GRXCR1: variants seen among roughly 807,000 people sequenced by gnomAD.
GRXCR1 encodes glutaredoxin domain-containing cysteine-rich protein 1.
GRXCR1 carries 27 observed loss-of-function variants against 27.3 expected under a neutral mutation model. The observed-to-expected ratio is 0.99, with a 90% CI of 0.73 to 1.37. The LOEUF (loss-of-function observed/expected upper bound fraction) is 1.37. Ranked by LOEUF, GRXCR1 falls within the 40% of genes most tolerant of loss-of-function variation. The pLI is 0.00. For missense variants in GRXCR1, 379 were observed against 354.4 expected (o/e 1.07, Z -0.56); for synonymous variants, 122 against 131.1 (o/e 0.93, Z 0.47).
At chr4:42,922,848 C>A (rs1426702170) in intron 1 of GRXCR1, among the ~76,000 whole-genome samples, 1 of 152,078 alleles carries the variant, frequency 6.6e-6, no homozygotes, top group Non-Finnish European at 1.5e-5. Context: ...ATGGTGCCAG[C>A]AAGATGCCTC....
At chr4:42,945,696 G>T (rs999300955) in intron 1 of GRXCR1, among the ~76,000 whole-genome samples, 1 of 152,108 alleles carries the variant, frequency 6.6e-6, no homozygotes, top group Admixed American at 6.6e-5. Flanking sequence ...TAGATGATGT[G>T]AAGGGCACAG....
In GRXCR1 at chr4:42,893,307, G is replaced by C. The variant is rs751676027; in HGVS notation, c.41G>C (p.Arg14Pro). The C allele has an allele frequency of 1.2e-6, 2 of 1,613,678 alleles. No homozygotes were observed. ...ATGAAGCCAGAAAGTGACAGGCCAC[G>C]GAAAGTCCGGTTTCGGATCGCGTCC... ...REMKPESDRPRKVRFRIASSH... is the reference protein window; with the variant it reads ...REMKPESDRPPKVRFRIASSH... Residue 14 changes from arginine to proline, a missense_variant, in exon 1 of 4, where the codon CGG (arginine) becomes CCG (proline). Physicochemically the swap from Arg to Pro is moderately radical, Grantham distance 103. Transcript: ENST00000399770.
intron 2 of GRXCR1, among the ~76,000 whole-genome samples, chr4:42,976,978 C>A (rs1279308898): frequency 6.6e-6 from 1 of 151,994 alleles, no homozygotes; most frequent in East Asian, 1.9e-4. Context: ...CCATCCCCAA[C>A]TATGCCAGTG....
chr4:43,028,807 C>A (rs1441064980), intron 3 of GRXCR1, among the ~76,000 whole-genome samples: 4 of 152,122 alleles, frequency 2.6e-5, no homozygotes, highest in Non-Finnish European at 5.9e-5. Flanking sequence ...AAAAATCCAT[C>A]AACAAAGTGA....
intron 2 of GRXCR1, among the ~76,000 whole-genome samples, chr4:42,995,690 A>G (rs957923486): frequency 6.6e-6 from 1 of 152,148 alleles, no homozygotes; most frequent in East Asian, 1.9e-4. Flanking sequence ...TATGTACGCC[A>G]CTCTTTCGGT....
chr4:43,007,843 C>T (rs888714523), intron 2 of GRXCR1, among the ~76,000 whole-genome samples: 3 of 152,210 alleles, frequency 2.0e-5, no homozygotes, highest in African/African-American at 7.2e-5. Context: ...GAAGCTGCCT[C>T]ATTCTAATAA....
chr4:43,005,627 A>G (rs914227116), intron 2 of GRXCR1, among the ~76,000 whole-genome samples: 3 of 152,196 alleles, frequency 2.0e-5, no homozygotes, highest in African/African-American at 4.8e-5. Context: ...GGTTCAAGCC[A>G]CAGAATTTTG....
intron 2 of GRXCR1, among the ~76,000 whole-genome samples, chr4:43,006,832 G>A (rs925367282): frequency 2.0e-5 from 3 of 151,694 alleles, no homozygotes; most frequent in Non-Finnish European, 4.4e-5. Flanking sequence ...TTTGTGGCTT[G>A]TGGGGCATCA....
At chr4:42,920,668 T>A (rs948958858) in intron 1 of GRXCR1, among the ~76,000 whole-genome samples, 1 of 152,122 alleles carries the variant, frequency 6.6e-6, no homozygotes, top group Non-Finnish European at 1.5e-5. Context: ...GTATAAGTTT[T>A]TTCTCCCTGC....
At chr4:43,023,209 A>C (rs549217491) in intron 3 of GRXCR1, among the ~76,000 whole-genome samples, 1 of 152,276 alleles carries the variant, frequency 6.6e-6, no homozygotes, top group South Asian at 2.1e-4. Context: ...GGGTTTTGAC[A>C]CAGGGCTCTA....
chr4:43,021,544 TTAAG>T (rs1222076806), intron 3 of GRXCR1, among the ~76,000 whole-genome samples: 3 of 152,228 alleles, frequency 2.0e-5, no homozygotes, highest in African/African-American at 7.2e-5. Flanking sequence ...CAAACATTTA[TTAAG>T]TATCTACTGT....
intron 1 of GRXCR1, among the ~76,000 whole-genome samples, chr4:42,947,776 T>G (rs905648079): frequency 6.6e-6 from 1 of 152,206 alleles, no homozygotes; most frequent in African/African-American, 2.4e-5. Context: ...GCAATCAATC[T>G]TGTTTTCAAA....
Position 42,892,776 on chromosome 4 carries a change from T to C in GRXCR1, c.-491T>C, listed in dbSNP as rs1746263012. Among the ~76,000 whole-genome samples, 1 of 152,070 alleles carries C rather than the reference T, an allele frequency of 6.6e-6. No individual in the cohort carries two copies. The highest frequency in any genetic ancestry group is 2.1e-4 in the South Asian group (1 of 4,822). On this transcript the variant is annotated 5_prime_UTR_variant, in exon 1 of 4. The change abolishes the stop of an existing upstream ORF in the 5' untranslated region. Coordinates refer to ENST00000399770, the MANE Select transcript of GRXCR1 (RefSeq NM_001080476.3). ...AGCGTGTTCACTGCCCTTTAAAGAATAAATAAGTCCTGTGAGAAAACTGTG... is the reference window on the plus strand; with the variant it reads ...AGCGTGTTCACTGCCCTTTAAAGAACAAATAAGTCCTGTGAGAAAACTGTG...
At chr4:42,983,987 C>T (rs1711585797) in intron 2 of GRXCR1, among the ~76,000 whole-genome samples, 1 of 151,916 alleles carries the variant, frequency 6.6e-6, no homozygotes, top group African/African-American at 2.4e-5. Flanking sequence ...AGGTGCCCAC[C>T]ATCATGCCTG....
At chr4:42,921,870 C>T (rs1486538083) in intron 1 of GRXCR1, among the ~76,000 whole-genome samples, 1 of 152,068 alleles carries the variant, frequency 6.6e-6, no homozygotes, top group East Asian at 1.9e-4. Flanking sequence ...AACATGCTGC[C>T]CACCTTCCTT....
intron 1 of GRXCR1, among the ~76,000 whole-genome samples, chr4:42,919,581 A>C (rs1398598135): frequency 6.6e-6 from 1 of 152,140 alleles, no homozygotes; most frequent in African/African-American, 2.4e-5. Flanking sequence ...TTCAGAGTTG[A>C]GGGCTCAACA....
chr4:42,898,906 TGATGCGA>T (rs915672746), intron 1 of GRXCR1, among the ~76,000 whole-genome samples: 1 of 152,054 alleles, frequency 6.6e-6, no homozygotes, highest in African/African-American at 2.4e-5. Context: ...CAATTCCAAA[TGATGCGA>T]GAAACTACAC....
In GRXCR1 at chr4:42,966,168, A is replaced by AT. The variant is rs202035662; in HGVS notation, c.627+3043dup. Among the ~76,000 whole-genome samples the AT allele has an allele frequency of 8.2e-3, 1,248 of 151,812 alleles. 16 individuals are homozygous for AT. Among genetic ancestry groups the AT allele is most frequent in the African/African-American group, 0.028 (1,175 of 41,428 alleles). On this transcript the variant is annotated intron_variant, in intron 2 of 3. Coordinates refer to ENST00000399770, the MANE Select transcript of GRXCR1 (RefSeq NM_001080476.3). ...ACTGTTTCATTATTTTGCATCAGAA[A>AT]TTTTTTTTTACACAAAACAAGATTG...
intron 1 of GRXCR1, among the ~76,000 whole-genome samples, chr4:42,932,258 C>T (rs1045968177): frequency 2.6e-5 from 4 of 151,784 alleles, no homozygotes; most frequent in Non-Finnish European, 5.9e-5. Flanking sequence ...TTACAGTCCT[C>T]CTGCCAGGCC....
Sources: gnomAD v4.1 joint callset for allele counts (sites outside exome capture counted in the v4.1 genomes callset) on GRCh38, gnomAD v4.1.1 for gene constraint, MANE v1.5 for transcripts, NCBI Gene and HGNC (gene_info 2026-07-23, HGNC 2026-07-21) for gene names.